The following ADAMTS9 variants were observed in gnomAD, a reference collection of about 807,000 sequenced individuals.
ADAMTS9 encodes the protein ADAM metallopeptidase with thrombospondin type 1 motif 9, also known as A disintegrin and metalloproteinase with thrombospondin motifs 9.
Under a neutral mutation model 257.1 loss-of-function variants are expected in ADAMTS9, and 107 were observed. That is an observed-to-expected ratio of 0.42 (90% confidence interval 0.36 to 0.49). The LOEUF is 0.49. Among genes scored for constraint, ADAMTS9 ranks in the 20% least tolerant of loss-of-function variants. The probability of loss-of-function intolerance (pLI) is 0.03; values close to 1 mark genes in which losing one functional copy is unlikely to be tolerated. For synonymous variants in ADAMTS9, 982 were observed against 880.9 expected, an observed-to-expected ratio of 1.11 and a Z score of -2.03; for missense variants, 2,353 against 2,469.1, an observed-to-expected ratio of 0.95 and a Z score of 1.00.
intron 16 of ADAMTS9, among the ~76,000 whole-genome samples, chr3:64,631,085 C>T (rs1366799867): frequency 6.6e-6 from 1 of 152,152 alleles, no homozygotes; most frequent in Non-Finnish European, 1.5e-5. Flanking sequence ...TCAAGTAATG[C>T]TTCTAATAAA....
intron 37 of ADAMTS9, among the ~76,000 whole-genome samples, chr3:64,538,798 T>C (rs1342568105): frequency 6.6e-6 from 1 of 152,112 alleles, no homozygotes; most frequent in African/African-American, 2.4e-5. Flanking sequence ...ATTTACACCA[T>C]GGCAATTGAC....
chr3:64,575,229 T>G (rs1345291163), intron 28 of ADAMTS9, among the ~76,000 whole-genome samples: 1 of 152,200 alleles, frequency 6.6e-6, no homozygotes, highest in Non-Finnish European at 1.5e-5. Context: ...AAAAATCTCT[T>G]GAATGCTCAA....
In ADAMTS9 at chr3:64,596,887, C is replaced by A; in HGVS notation, c.4122G>T (p.Glu1374Asp). 6.2e-7 allele frequency: 1 copy of A among 1,614,038 alleles called. No individual in the cohort carries two copies. Among genetic ancestry groups the A allele is most frequent in the Non-Finnish European group, 8.5e-7 (1 of 1,179,978 alleles). ...NDCVERIKPD[E>D]QRACESGPCP... ...AAGGGCCGGATTCACAGGCTCTTTG[C>A]TCATCAGGTTTTATTCTCTCCACAC... Residue 1374 changes from glutamate to aspartate, a missense_variant, in exon 27 of 40, where the codon GAG becomes GAT. Physicochemically the swap from Glu to Asp is conservative, Grantham distance 45. This residue lies in a region of ADAMTS9 where 1,402 missense variants were observed against 1,441.4 expected (regional missense o/e 0.97). Transcript: ENST00000498707.
intron 38 of ADAMTS9, among the ~76,000 whole-genome samples, chr3:64,526,167 G>A (rs975792721): frequency 6.7e-6 from 1 of 149,480 alleles, no homozygotes; most frequent in African/African-American, 2.4e-5. Flanking sequence ...ATAGCTAGAA[G>A]AGAAGAATTG....
At chr3:64,540,314 GA>G (rs1176843262) in intron 36 of ADAMTS9, among the ~76,000 whole-genome samples, 1 of 152,136 alleles carries the variant, frequency 6.6e-6, no homozygotes, top group East Asian at 1.9e-4. Context: ...TGTTAATGAG[GA>G]AAAATTAATT....
intron 38 of ADAMTS9, among the ~76,000 whole-genome samples, chr3:64,528,117 G>A (rs2082931913): frequency 6.6e-6 from 1 of 152,158 alleles, no homozygotes; most frequent in African/African-American, 2.4e-5. Context: ...CCCTGACCCT[G>A]AAAATTCCTC....
intron 37 of ADAMTS9, among the ~76,000 whole-genome samples, chr3:64,537,380 A>C (rs1191504937): frequency 6.6e-6 from 1 of 152,226 alleles, no homozygotes; most frequent in East Asian, 1.9e-4. Context: ...GTTAGCCACT[A>C]AAATGCAACA....
At chr3:64,684,083 G>C (rs1701829890) in intron 2 of ADAMTS9, among the ~76,000 whole-genome samples, 1 of 152,180 alleles carries the variant, frequency 6.6e-6, no homozygotes, top group African/African-American at 2.4e-5. Context: ...GATTGAGGGT[G>C]GGGTGCAGAG....
At chr3:64,642,041 G>GT in intron 11 of ADAMTS9, 48 bp from the exon 12 acceptor site, 1 of 1,605,506 alleles carries the variant, frequency 6.2e-7, no homozygotes, top group East Asian at 2.2e-5. Context: ...GCTGTGAGTT[G>GT]TTACAGGACT....
intron 12 of ADAMTS9, among the ~76,000 whole-genome samples, chr3:64,635,986 T>G (rs1027531819): frequency 2.6e-5 from 4 of 152,210 alleles, no homozygotes; most frequent in African/African-American, 9.6e-5. Context: ...TTCTGGAATC[T>G]TTTTAGATGT....
At chr3:64,518,184 AGAGTACTGAT>A (rs2082804420) in intron 39 of ADAMTS9, among the ~76,000 whole-genome samples, 1 of 152,242 alleles carries the variant, frequency 6.6e-6, no homozygotes, top group African/African-American at 2.4e-5. Context: ...ATGAAGAAAG[AGAGTACTGAT>A]GACTGAACTT....
chr3:64,581,072 GATT>G (rs2083986507), intron 28 of ADAMTS9, among the ~76,000 whole-genome samples: 1 of 152,170 alleles, frequency 6.6e-6, no homozygotes, highest in Non-Finnish European at 1.5e-5. Flanking sequence ...ATTTTGCAAG[GATT>G]ATAAGAGGAT....
chr3:64,532,891 C>T (rs141215992), intron 38 of ADAMTS9, among the ~76,000 whole-genome samples: 194 of 152,326 alleles, frequency 1.3e-3, no homozygotes, highest in African/African-American at 4.6e-3. Context: ...CTGCTTTTAC[C>T]TCCCTGGTTA....
At chr3:64,617,411 C>A (rs373115947) in intron 19 of ADAMTS9, among the ~76,000 whole-genome samples, 1 of 152,146 alleles carries the variant, frequency 6.6e-6, no homozygotes, top group East Asian at 1.9e-4. Context: ...TCCCCAGAAT[C>A]TGAGCAGAGA....
At chr3:64,555,320 C>T (rs561944109) in intron 30 of ADAMTS9, among the ~76,000 whole-genome samples, 12 of 152,080 alleles carry the variant, frequency 7.9e-5, no homozygotes, top group African/African-American at 2.4e-4. Context: ...TTAGGAGGTG[C>T]GGTGGGGAGA....
At chr3:64,548,423 A>G (rs1192493842) in intron 31 of ADAMTS9, among the ~76,000 whole-genome samples, 2 of 152,200 alleles carry the variant, frequency 1.3e-5, no homozygotes, top group African/African-American at 4.8e-5. Flanking sequence ...TTTCATGCAG[A>G]TGGCTAACAA....
At chr3:64,613,725 C>T (rs2084711008) in intron 21 of ADAMTS9, among the ~76,000 whole-genome samples, 1 of 151,954 alleles carries the variant, frequency 6.6e-6, no homozygotes, top group Non-Finnish European at 1.5e-5. Context: ...GTTTTGAGCA[C>T]AAAATAAACT....
chr3:64,600,169 C>T (rs1019117216), intron 26 of ADAMTS9, among the ~76,000 whole-genome samples: 1 of 149,422 alleles, frequency 6.7e-6, no homozygotes. Context: ...AAACTTGATT[C>T]CCATTCCCCA....
chr3:64,551,231 A>C (rs1248710797), intron 30 of ADAMTS9, among the ~76,000 whole-genome samples, 169 bp from the exon 31 acceptor site: 1 of 151,948 alleles, frequency 6.6e-6, no homozygotes, highest in African/African-American at 2.4e-5. Context: ...TTTTTTTGAG[A>C]TGGAGTCTTG....
Sources: gnomAD v4.1 joint callset for allele counts (sites outside exome capture counted in the v4.1 genomes callset) on GRCh38, gnomAD v4.1.1 for gene constraint, gnomAD v4.1.1 regional missense constraint, MANE v1.5 for transcripts, NCBI Gene and HGNC (gene_info 2026-07-23, HGNC 2026-07-21) for gene names.